Variants in DAP3 observed in about 807,000 individuals in gnomAD.
DAP3 encodes the protein small ribosomal subunit protein mS29.
DAP3 carries 28 observed loss-of-function variants against 51.9 expected under a neutral mutation model. That is an observed-to-expected ratio of 0.54 (90% CI 0.40 to 0.74). The LOEUF is 0.74. Ranked by LOEUF, DAP3 falls within the 30% of genes least tolerant of loss-of-function variation. DAP3 has a pLI of 0.00. For synonymous variants in DAP3, 170 were observed against 170.3 expected, an observed-to-expected ratio of 1.00 and a Z score of 0.01; for missense variants, 458 against 483.5, an observed-to-expected ratio of 0.95 and a Z score of 0.49.
chr1:155,734,142 G>T (rs1659521108), intron 11 of DAP3, among the ~76,000 whole-genome samples: 1 of 152,102 alleles, frequency 6.6e-6, no homozygotes, highest in African/African-American at 2.4e-5. Flanking sequence ...GGGCAATAGA[G>T]TGCGGCCCTA....
chr1:155,702,151 T>TAAAA (rs71080722), intron 1 of DAP3, among the ~76,000 whole-genome samples: 3 of 101,704 alleles, frequency 2.9e-5, no homozygotes, highest in East Asian at 2.3e-4. Flanking sequence ...ATTCTGCCTA[T>TAAAA]AAAAAAAAAA....
chr1:155,689,023 G>T, upstream of DAP3: 1 of 1,583,222 alleles, frequency 6.3e-7, no homozygotes, highest in East Asian at 2.3e-5. Flanking sequence ...CCCTCTGCCG[G>T]CCGGTGGTTG....
intron 11 of DAP3, chr1:155,732,237 T>TC (rs1269057955): frequency 2.1e-4 from 76 of 359,358 alleles, no homozygotes; most frequent in African/African-American, 1.7e-3. Flanking sequence ...TCTTTTCTTT[T>TC]TTTTTTTTTT....
At chr1:155,713,934 A>C (rs1460773643) in intron 2 of DAP3, among the ~76,000 whole-genome samples, 1 of 152,218 alleles carries the variant, frequency 6.6e-6, no homozygotes, top group Non-Finnish European at 1.5e-5. Context: ...TGTGCAATAC[A>C]AAGAGTGCTA....
At chr1:155,735,630 A>G (rs1659699230) in intron 11 of DAP3, among the ~76,000 whole-genome samples, 2 of 151,370 alleles carry the variant, frequency 1.3e-5, no homozygotes, top group Non-Finnish European at 2.9e-5. Context: ...ATTTGTTTCC[A>G]TTTGTTTTCC....
Position 155,703,075 on chromosome 1 carries a change from G to A in DAP3, c.-7-6698G>A, listed in dbSNP as rs138113165. Among the ~76,000 whole-genome samples the A allele has an allele frequency of 2.6e-5, 4 of 152,328 alleles. No homozygotes were observed. In the East Asian group the frequency reaches 7.7e-4, roughly 29 times the overall value. On this transcript the variant is annotated intron_variant, in intron 1 of 12. Transcript: ENST00000368336. ...AGTTTTGTAGTAAGTGTTGGAATCA[G>A]GACATATGAGGCCTCCAAATTTGTT...
At chr1:155,705,771 G>C (rs1655893394) in intron 1 of DAP3, among the ~76,000 whole-genome samples, 2 of 152,086 alleles carry the variant, frequency 1.3e-5, no homozygotes, top group African/African-American at 4.8e-5. Flanking sequence ...CGCAATCTCA[G>C]CTCACTGCAA....
upstream of DAP3, chr1:155,687,977 G>C: frequency 1.5e-6 from 2 of 1,367,962 alleles, no homozygotes. Flanking sequence ...CAGAGGTCCA[G>C]GTCCGGGAGA....
chr1:155,701,697 A>G (rs1655302069), intron 1 of DAP3, among the ~76,000 whole-genome samples: 1 of 151,390 alleles, frequency 6.6e-6, no homozygotes, highest in South Asian at 2.1e-4. Flanking sequence ...TTAAAAAAAA[A>G]AAAAAAAGAA....
At chr1:155,736,730 A>G (rs776534153) in intron 11 of DAP3, 4 of 527,412 alleles carry the variant, frequency 7.6e-6, no homozygotes, top group Non-Finnish European at 1.0e-5. Flanking sequence ...TCTTTTTAAT[A>G]TATAGCATTT....
At position 155,729,190 on chromosome 1, in the gene DAP3, C is replaced by T. The variant is rs1466275111; in HGVS notation, c.685-18C>T. On this transcript the variant is annotated intron_variant, in intron 8 of 12. Coordinates refer to ENST00000368336, the MANE Select transcript of DAP3 (RefSeq NM_004632.4). The stretch of plus-strand genomic sequence containing the variant: ...GAAGGCCTCTGGTAGCACTACAATC[C>T]ACTGTCTCTCCCAATAGGGCATAAC... The T allele has an allele frequency of 1.9e-6, 3 of 1,614,070 alleles. No homozygotes were observed. The highest frequency in any genetic ancestry group is 1.7e-5 in the Admixed American group (1 of 59,998).
At chr1:155,688,260 A>G (rs754878056), upstream of DAP3, 67 of 1,603,732 alleles carry the variant, frequency 4.2e-5, no homozygotes, top group Non-Finnish European at 5.4e-5. Context: ...GCAAACTGAG[A>G]GGAGGCGGAT....
At chr1:155,728,431 G>A (rs1348814572) in intron 7 of DAP3, among the ~76,000 whole-genome samples, 4 of 150,984 alleles carry the variant, frequency 2.6e-5, no homozygotes, top group African/African-American at 9.7e-5. Context: ...GTGTGGTGGT[G>A]CACGCCTGTA....
chr1:155,689,446 A>ACTT (rs958884202), intron 1 of DAP3: 83 of 463,656 alleles, frequency 1.8e-4, no homozygotes, highest in African/African-American at 1.0e-3. Context: ...CATGGATGGT[A>ACTT]CTTCAGCCTC....
intron 3 of DAP3, among the ~76,000 whole-genome samples, chr1:155,720,985 C>T (rs2136920): frequency 0.065 from 9,688 of 149,452 alleles, 1,061 homozygotes; most frequent in African/African-American, 0.23. Flanking sequence ...TGCAGTGAGC[C>T]GAGATTACAC....
Position 155,725,508 on chromosome 1 carries a change from C to T in DAP3, c.379+18C>T, listed in dbSNP as rs140463523. The T allele has an allele frequency of 1.2e-3, 1,882 of 1,593,698 alleles. 12 individuals carry two copies. The African/African-American group carries it at 0.022, about 18-fold the overall frequency. The stretch of plus-strand genomic sequence containing the variant: ...TCTTCTGTGTATCCTTTCCTGCCTG[C>T]GTGGACCCTCATGAACCAATGCTTT... On this transcript the variant is annotated intron_variant, in intron 5 of 12. Coordinates refer to ENST00000368336, the MANE Select transcript of DAP3 (RefSeq NM_004632.4).
chr1:155,720,369 G>A (rs1571519719), intron 3 of DAP3, among the ~76,000 whole-genome samples: 2 of 149,140 alleles, frequency 1.3e-5, no homozygotes, highest in East Asian at 4.1e-4. Flanking sequence ...AAGGCCGGGT[G>A]CAGTGGCTCA....
intron 1 of DAP3, among the ~76,000 whole-genome samples, chr1:155,703,793 T>C (rs1292078683): frequency 6.6e-6 from 1 of 152,222 alleles, no homozygotes; most frequent in Non-Finnish European, 1.5e-5. Flanking sequence ...CACGTTGGCA[T>C]CCCAGAGTGC....
intron 1 of DAP3, among the ~76,000 whole-genome samples, chr1:155,693,743 C>T (rs1654166033): frequency 7.1e-6 from 1 of 141,748 alleles, no homozygotes; most frequent in South Asian, 2.1e-4. Context: ...CGGCAGATCA[C>T]CTGAGGTCGG....
Sources: allele counts gnomAD v4.1 joint callset (sites outside exome capture counted in the v4.1 genomes callset), GRCh38; gene constraint gnomAD v4.1.1; transcripts MANE v1.5; gene names NCBI Gene and HGNC (gene_info 2026-07-23, HGNC 2026-07-21).